Variants in PCNX1 observed in about 807,000 individuals in gnomAD.
PCNX1 encodes pecanex-like protein 1.
A neutral mutation model predicts 242.2 loss-of-function variants in PCNX1; 78 were observed. The ratio of observed to expected loss-of-function variants is 0.32; its 90% CI spans 0.27 to 0.39. PCNX1 has a LOEUF of 0.39. Ranked by LOEUF, PCNX1 falls within the 10% of genes least tolerant of loss-of-function variation. The pLI is 1.00. For missense variants in PCNX1, 2,581 were observed against 2,856.5 expected, an observed-to-expected ratio of 0.90 and a Z score of 2.20; for synonymous variants, 1,024 against 1,032.9, an observed-to-expected ratio of 0.99 and a Z score of 0.17.
chr14:71,052,373 C>G (rs919771188), intron 24 of PCNX1, among the ~76,000 whole-genome samples: 1 of 151,762 alleles, frequency 6.6e-6, no homozygotes, highest in African/African-American at 2.4e-5. Flanking sequence ...GCCACCACGT[C>G]GGTTAATTTT....
chr14:71,022,523 G>A (rs959982475), intron 12 of PCNX1, among the ~76,000 whole-genome samples: 1 of 152,132 alleles, frequency 6.6e-6, no homozygotes, highest in Admixed American at 6.6e-5. Flanking sequence ...GCCCAGTATC[G>A]AATGGTAGGG....
chr14:71,004,403 C>T (rs1382283241), intron 8 of PCNX1, among the ~76,000 whole-genome samples: 2 of 152,218 alleles, frequency 1.3e-5, no homozygotes, highest in African/African-American at 2.4e-5. Flanking sequence ...GCCTGAGCTC[C>T]GCTTCCTGTC....
At chr14:71,106,136 C>A (rs1436379490) in intron 33 of PCNX1, among the ~76,000 whole-genome samples, 1 of 151,954 alleles carries the variant, frequency 6.6e-6, no homozygotes, top group East Asian at 1.9e-4. Flanking sequence ...ACCTCAGCCT[C>A]CCGAGTAGCT....
chr14:71,030,161 C>T (rs1014126762), intron 16 of PCNX1, among the ~76,000 whole-genome samples: 6 of 152,142 alleles, frequency 3.9e-5, no homozygotes, highest in African/African-American at 1.4e-4. Context: ...AGACTTATAG[C>T]AAGAACAGCA....
intron 2 of PCNX1, among the ~76,000 whole-genome samples, 167 bp from the exon 3 acceptor site, chr14:70,962,059 C>T (rs763611009): frequency 9.2e-5 from 14 of 152,014 alleles, no homozygotes; most frequent in Non-Finnish European, 1.6e-4. Context: ...AAGTATCAGA[C>T]TTGTAAATGA....
chr14:70,937,330 C>T (rs180762697), intron 1 of PCNX1, among the ~76,000 whole-genome samples: 21 of 152,268 alleles, frequency 1.4e-4, no homozygotes, highest in African/African-American at 4.3e-4. Context: ...AGAAAGGGAT[C>T]CAGTTTCAGC....
chr14:71,001,236 A>C (rs920054918), intron 8 of PCNX1, among the ~76,000 whole-genome samples: 12 of 152,204 alleles, frequency 7.9e-5, no homozygotes, highest in African/African-American at 2.9e-4. Flanking sequence ...TGTCCATTAC[A>C]TAAGCTTTAG....
intron 3 of PCNX1, among the ~76,000 whole-genome samples, chr14:70,967,673 A>G (rs1213197838): frequency 6.6e-6 from 1 of 152,196 alleles, no homozygotes; most frequent in Non-Finnish European, 1.5e-5. Flanking sequence ...TGTTCTGTCT[A>G]TAAAGAAGTA....
intron 16 of PCNX1, among the ~76,000 whole-genome samples, chr14:71,029,040 G>A (rs1361064866): frequency 3.9e-5 from 6 of 152,012 alleles, no homozygotes; most frequent in Non-Finnish European, 7.4e-5. Flanking sequence ...ACAGATTATT[G>A]AAAACTAGGC....
intron 1 of PCNX1, among the ~76,000 whole-genome samples, chr14:70,945,653 C>G (rs1184239549): frequency 1.3e-5 from 2 of 151,466 alleles, no homozygotes; most frequent in Admixed American, 1.3e-4. Flanking sequence ...TTATTTTTGT[C>G]TCAAGTGATT....
At chr14:71,106,093 A>G (rs2062610771) in intron 33 of PCNX1, among the ~76,000 whole-genome samples, 1 of 151,872 alleles carries the variant, frequency 6.6e-6, no homozygotes. Flanking sequence ...GGCTCACTGC[A>G]AGCTCTGCCT....
Position 71,062,894 on chromosome 14 carries a change from A to G in PCNX1, c.4852+5170A>G, listed in dbSNP as rs184641280. On this transcript the variant is annotated intron_variant, in intron 26 of 35. Transcript: ENST00000304743. ...TTTTTACTGTACCGTTTCTGTGTTT[A>G]GATGTGTTCAGATACACAGATACCT... Among the ~76,000 whole-genome samples the G allele has an allele frequency of 9.6e-4, 146 of 152,310 alleles. 1 individual carries two copies. The highest frequency in any genetic ancestry group is 1.6e-3 in the Non-Finnish European group (108 of 68,032).
At chr14:71,012,845 G>T in intron 10 of PCNX1, 140 bp from the exon 11 acceptor site, 16 of 602,346 alleles carry the variant, frequency 2.7e-5, no homozygotes, top group East Asian at 6.1e-5. Flanking sequence ...AAAAGTGTAT[G>T]AGAGAAGAAA....
intron 26 of PCNX1, among the ~76,000 whole-genome samples, chr14:71,058,209 C>T (rs2061234525): frequency 6.6e-6 from 1 of 152,056 alleles, no homozygotes; most frequent in Non-Finnish European, 1.5e-5. Flanking sequence ...ATCACAGGAG[C>T]GTTTAGTACA....
chr14:70,940,560 T>C (rs2057194605), intron 1 of PCNX1, among the ~76,000 whole-genome samples: 1 of 152,184 alleles, frequency 6.6e-6, no homozygotes. Flanking sequence ...GCCCTTAATA[T>C]TTTTTTCTTC....
intron 28 of PCNX1, 129 bp downstream of exon 28, chr14:71,076,548 C>T: frequency 1.5e-6 from 1 of 648,504 alleles, no homozygotes; most frequent in South Asian, 1.9e-5. Flanking sequence ...TTAAGATAAC[C>T]TAACTGGTTC....
chr14:70,994,042 T>C (rs2059251294), intron 7 of PCNX1, among the ~76,000 whole-genome samples: 1 of 152,184 alleles, frequency 6.6e-6, no homozygotes, highest in South Asian at 2.1e-4. Context: ...CAGTAAGGAC[T>C]GACAAGTCCA....
At chr14:70,965,197 C>G (rs958351434) in intron 3 of PCNX1, among the ~76,000 whole-genome samples, 1 of 152,158 alleles carries the variant, frequency 6.6e-6, no homozygotes, top group African/African-American at 2.4e-5. Context: ...TTTCATTCCT[C>G]TCCTTACCTC....
At chr14:70,932,080 T>A (rs1428006659) in intron 1 of PCNX1, among the ~76,000 whole-genome samples, 1 of 152,206 alleles carries the variant, frequency 6.6e-6, no homozygotes, top group Non-Finnish European at 1.5e-5. Context: ...AGAGCCGAGA[T>A]CGCGCCATTG....
Sources: gnomAD v4.1 joint callset for allele counts (sites outside exome capture counted in the v4.1 genomes callset) on GRCh38, gnomAD v4.1.1 for gene constraint, MANE v1.5 for transcripts, NCBI Gene and HGNC (gene_info 2026-07-23, HGNC 2026-07-21) for gene names.